JARID2: variants seen among roughly 807,000 people sequenced by gnomAD.
The protein encoded by JARID2 is jumonji and AT-rich interaction domain containing 2, also known as protein Jumonji.
A neutral mutation model predicts 125.6 loss-of-function variants in JARID2; 21 were observed. The ratio of observed to expected loss-of-function variants is 0.17; its 90% CI spans 0.12 to 0.24. The LOEUF (loss-of-function observed/expected upper bound fraction) is 0.24. Ranked by LOEUF, JARID2 falls within the 10% of genes least tolerant of loss-of-function variation. The pLI is 1.00. For synonymous variants in JARID2, 736 were observed against 661.6 expected (o/e 1.11, Z -1.73); for missense variants, 1,303 against 1,639.6 (o/e 0.79, Z 3.55).
At chr6:15,473,049 C>A (rs199902449) in intron 5 of JARID2, among the ~76,000 whole-genome samples, 6 of 151,828 alleles carry the variant, frequency 4.0e-5, no homozygotes, top group South Asian at 2.1e-4. Context: ...TGTGAATACC[C>A]GTGTTAGGAA....
chr6:15,289,579 G>A (rs1761129878), intron 1 of JARID2, among the ~76,000 whole-genome samples: 1 of 151,952 alleles, frequency 6.6e-6, no homozygotes, highest in African/African-American at 2.4e-5. Context: ...TTTTAAGGCC[G>A]GGCGCAGTGA....
intron 1 of JARID2, among the ~76,000 whole-genome samples, chr6:15,298,996 C>A (rs1406755848): frequency 2.8e-5 from 3 of 105,788 alleles, no homozygotes; most frequent in Non-Finnish European, 5.3e-5. Context: ...ATTTTATTTG[C>A]GGGGGTGGGG....
At chr6:15,307,373 G>T (rs1023796015) in intron 1 of JARID2, among the ~76,000 whole-genome samples, 5 of 152,026 alleles carry the variant, frequency 3.3e-5, no homozygotes, top group African/African-American at 1.2e-4. Flanking sequence ...CAGGCATACG[G>T]CACCATTTTC....
chr6:15,277,700 C>T (rs1449318435), intron 1 of JARID2, among the ~76,000 whole-genome samples: 3 of 151,184 alleles, frequency 2.0e-5, no homozygotes, highest in South Asian at 2.1e-4. Context: ...ATTGATTCAC[C>T]TGTTTAAAAG....
chr6:15,452,548 G>A (rs1767965367), intron 4 of JARID2, among the ~76,000 whole-genome samples: 1 of 152,084 alleles, frequency 6.6e-6, no homozygotes, highest in South Asian at 2.1e-4. Context: ...GGACTTTGGG[G>A]CTGTGAAGGC....
At chr6:15,411,970 C>G (rs779816456) in intron 3 of JARID2, among the ~76,000 whole-genome samples, 2 of 152,210 alleles carry the variant, frequency 1.3e-5, no homozygotes, top group Non-Finnish European at 2.9e-5. Context: ...CTAGCTTTCT[C>G]TTTGTATGGG....
At chr6:15,309,199 CAG>C (rs1438597636) in intron 1 of JARID2, among the ~76,000 whole-genome samples, 1 of 152,220 alleles carries the variant, frequency 6.6e-6, no homozygotes, top group Non-Finnish European at 1.5e-5. Flanking sequence ...TCTCATCCAA[CAG>C]ACTCATTGTT....
At chr6:15,426,161 A>C (rs1766717375) in intron 3 of JARID2, among the ~76,000 whole-genome samples, 1 of 152,122 alleles carries the variant, frequency 6.6e-6, no homozygotes, top group Admixed American at 6.5e-5. Flanking sequence ...GAGACCTGCC[A>C]CTCAGGAAGG....
chr6:15,303,438 G>C (rs1761703600), intron 1 of JARID2, among the ~76,000 whole-genome samples: 1 of 152,266 alleles, frequency 6.6e-6, no homozygotes, highest in Non-Finnish European at 1.5e-5. Flanking sequence ...TGGCTGGCCA[G>C]AGGCTTATTG....
At chr6:15,445,785 G>T (rs1006759505) in intron 3 of JARID2, among the ~76,000 whole-genome samples, 1 of 152,220 alleles carries the variant, frequency 6.6e-6, no homozygotes, top group African/African-American at 2.4e-5. Flanking sequence ...ACCTTATTTG[G>T]CTTCTGCGAG....
chr6:15,365,575 A>G (rs1763946581), intron 1 of JARID2, among the ~76,000 whole-genome samples: 1 of 152,044 alleles, frequency 6.6e-6, no homozygotes, highest in African/African-American at 2.4e-5. Context: ...GTGTTATGCA[A>G]TAAATCGTTT....
intron 5 of JARID2, among the ~76,000 whole-genome samples, chr6:15,473,850 A>G (rs1581615329): frequency 1.3e-5 from 2 of 152,242 alleles, no homozygotes; most frequent in Middle Eastern, 3.4e-3. Context: ...ACGCCAGTGG[A>G]GGGAATGGAA....
intron 1 of JARID2, among the ~76,000 whole-genome samples, chr6:15,339,982 T>C (rs1251980985): frequency 6.6e-6 from 1 of 152,116 alleles, no homozygotes; most frequent in Non-Finnish European, 1.5e-5. Flanking sequence ...TTTTTTGAAT[T>C]GGAGTCTTGC....
At chr6:15,401,723 AAC>A in intron 2 of JARID2, among the ~76,000 whole-genome samples, 1 of 152,206 alleles carries the variant, frequency 6.6e-6, no homozygotes, top group African/African-American at 2.4e-5. Flanking sequence ...ACTGTCTGTA[AAC>A]ACAGATGAAT....
chr6:15,321,862 G>A (rs942570375), intron 1 of JARID2, among the ~76,000 whole-genome samples: 9 of 133,984 alleles, frequency 6.7e-5, no homozygotes, highest in African/African-American at 1.8e-4. Flanking sequence ...GTGTGATCTC[G>A]GCTCACTGCA....
chr6:15,282,035 T>C (rs1196656785), intron 1 of JARID2, among the ~76,000 whole-genome samples: 1 of 151,956 alleles, frequency 6.6e-6, no homozygotes, highest in East Asian at 1.9e-4. Flanking sequence ...CTGTAACCTT[T>C]GCCTCCCGAG....
At chr6:15,397,412 C>T (rs1171934059) in intron 2 of JARID2, among the ~76,000 whole-genome samples, 1 of 152,138 alleles carries the variant, frequency 6.6e-6, no homozygotes, top group East Asian at 1.9e-4. Flanking sequence ...CAATCCACAC[C>T]ACCCTACCCC....
chr6:15,403,212 T>C (rs1765506331), intron 2 of JARID2, among the ~76,000 whole-genome samples: 1 of 152,238 alleles, frequency 6.6e-6, no homozygotes, highest in Non-Finnish European at 1.5e-5. Flanking sequence ...GGGAAATCTT[T>C]CATGAAGATC....
At chr6:15,394,543 G>GA (rs907371243) in intron 2 of JARID2, among the ~76,000 whole-genome samples, 5 of 152,202 alleles carry the variant, frequency 3.3e-5, no homozygotes, top group African/African-American at 1.2e-4. Context: ...ACGCTGTAGT[G>GA]AACCTAGATT....
Sources: gnomAD v4.1 joint callset for allele counts (sites outside exome capture counted in the v4.1 genomes callset) on GRCh38, gnomAD v4.1.1 for gene constraint, MANE v1.5 for transcripts, NCBI Gene and HGNC (gene_info 2026-07-23, HGNC 2026-07-21) for gene names.